The following NADK2 variants were observed in gnomAD, a reference collection of about 807,000 sequenced individuals.
NADK2 encodes the protein NAD kinase 2, mitochondrial.
A neutral mutation model predicts 62.1 loss-of-function variants in NADK2; 35 were observed. The observed-to-expected ratio is 0.56, with a 90% CI of 0.43 to 0.75. The LOEUF is 0.75. Among genes scored for constraint, NADK2 ranks in the 30% least tolerant of loss-of-function variants. The pLI is 0.00. For synonymous variants in NADK2, 205 were observed against 207.9 expected (o/e 0.99, Z 0.12); for missense variants, 439 against 561.3 (o/e 0.78, Z 2.20).
At chr5:36,213,749 G>A (rs1746942099) in intron 6 of NADK2, among the ~76,000 whole-genome samples, 1 of 151,284 alleles carries the variant, frequency 6.6e-6, no homozygotes, top group South Asian at 2.1e-4. Context: ...AACATAAATG[G>A]CTAAAATTTA....
Position 36,241,517 on chromosome 5 carries a change from C to T in NADK2, c.282G>A (p.Glu94=), listed in dbSNP as rs759979195. 1 of 1,563,834 alleles carries T rather than the reference C, an allele frequency of 6.4e-7. No homozygotes were observed. ...QQRYRYAELS[E]EDLKQLLALK... is the part of the protein sequence containing the mutation. ...GACCCACCAGCTGCTTCAGGTCCTC[C>T]TCCGAGAGCTCCGCGTAACGGTACC... is the stretch of plus-strand genomic sequence containing the variant. The change falls in exon 1 of 12, where the codon GAG becomes GAA. Residue 94 remains glutamate, a synonymous_variant. Transcript: ENST00000381937. This position sits in a 1 kb window ranked among gnomAD's most constrained non-coding sequence, Gnocchi z 4.9.
At chr5:36,228,398 C>T (rs1416549885) in intron 1 of NADK2, among the ~76,000 whole-genome samples, 1 of 152,026 alleles carries the variant, frequency 6.6e-6, no homozygotes, top group Non-Finnish European at 1.5e-5. Context: ...TTTGCTCCTC[C>T]GAATTCCTTT....
chr5:36,207,269 T>G lies in NADK2; in HGVS notation c.861-4A>C. 1 of 1,606,378 alleles carries G rather than the reference T, an allele frequency of 6.2e-7. No individual in the cohort carries two copies. Among genetic ancestry groups the G allele is most frequent in the Non-Finnish European group, 8.5e-7 (1 of 1,173,888 alleles). On this transcript the variant is annotated splice_polypyrimidine_tract_variant and splice_region_variant and intron_variant, in intron 7 of 11. Transcript: ENST00000381937. ...TGAAATCTCATAGTAGGAAGCCCTG[T>G]GAATTGAGAATATAAAACTGTTTGC...
chr5:36,203,000 C>A (rs1053086508), intron 8 of NADK2, among the ~76,000 whole-genome samples: 1 of 151,804 alleles, frequency 6.6e-6, no homozygotes, highest in Admixed American at 6.6e-5. Context: ...GAATTCCATA[C>A]AAGAAAAAAA....
At chr5:36,231,820 G>C (rs1747719821) in intron 1 of NADK2, among the ~76,000 whole-genome samples, 1 of 152,134 alleles carries the variant, frequency 6.6e-6, no homozygotes, top group African/African-American at 2.4e-5. Flanking sequence ...TAAAAGGTTA[G>C]AGAAATTACT....
chr5:36,216,520 G>T (rs1371545416), intron 6 of NADK2, among the ~76,000 whole-genome samples: 1 of 151,840 alleles, frequency 6.6e-6, no homozygotes, highest in Non-Finnish European at 1.5e-5. Context: ...AATTTCCCCT[G>T]CCTGTTTTGA....
chr5:36,231,932 AAAATAAAT>A (rs57966966), intron 1 of NADK2, among the ~76,000 whole-genome samples: 1 of 151,820 alleles, frequency 6.6e-6, no homozygotes, highest in Non-Finnish European at 1.5e-5. Context: ...TCTCTCCATT[AAAATAAAT>A]AAATAAATAA....
chr5:36,232,174 G>A (rs1561075276), intron 1 of NADK2, among the ~76,000 whole-genome samples: 1 of 152,174 alleles, frequency 6.6e-6, no homozygotes, highest in Non-Finnish European at 1.5e-5. Context: ...AGATGTGATA[G>A]TTATGCTATT....
Position 36,241,337 on chromosome 5 carries a change from G to A in NADK2, c.300+162C>T, listed in dbSNP as rs1748109784. On this transcript the variant is annotated intron_variant, in intron 1 of 11. Coordinates refer to ENST00000381937, the MANE Select transcript of NADK2 (RefSeq NM_001085411.3). The surrounding 1 kb of genome is among the most constrained non-coding windows in gnomAD (Gnocchi z 4.9). ...GCACACACGCCCAAAGGCAAAGGAG[G>A]CCCAGGGAGAAGCCAGAGGACCTGG... The A allele has an allele frequency of 1.6e-6, 2 of 1,287,472 alleles. No individual in the cohort carries two copies. The highest frequency in any genetic ancestry group is 1.8e-5 in the South Asian group (1 of 56,978). The allele number at this position is 1,287,472 out of a possible 1,614,324, so 79.8% of individuals were successfully genotyped here. A position where few individuals can be genotyped will look rare whatever the true frequency, so the allele number is the denominator to read the frequency against.
At chr5:36,235,391 T>C (rs1428558478) in intron 1 of NADK2, among the ~76,000 whole-genome samples, 1 of 152,220 alleles carries the variant, frequency 6.6e-6, no homozygotes, top group Non-Finnish European at 1.5e-5. Context: ...AATTAGATTA[T>C]GCAGCTTTAA....
chr5:36,218,444 T>C (rs1489219508), intron 5 of NADK2, among the ~76,000 whole-genome samples: 2 of 152,318 alleles, frequency 1.3e-5, no homozygotes, highest in Admixed American at 6.5e-5. Flanking sequence ...TGATAATCAA[T>C]GTATCGAAAG....
intron 6 of NADK2, among the ~76,000 whole-genome samples, chr5:36,213,636 T>TATATA: frequency 6.8e-6 from 1 of 146,930 alleles, no homozygotes. Flanking sequence ...TATATATGGA[T>TATATA]TTGATATGTT....
rs5867308 is a variant in NADK2, at chr5:36,236,867, C to CAAAA, written c.300+4628_300+4631dup. Among the ~76,000 whole-genome samples the CAAAA allele has an allele frequency of 5.1e-4, 49 of 95,620 alleles. 2 individuals are homozygous for CAAAA. The highest frequency in any genetic ancestry group is 1.6e-3 in the African/African-American group (39 of 24,626). The allele number at this position is 95,620 out of a possible 152,430, so 62.7% of individuals were successfully genotyped here. ...AGAGAGTAATGTCTGAGCTTAACCT[C>CAAAA]AAAAAAAAAAAAAAAAAAAACAGGA... On this transcript the variant is annotated intron_variant, in intron 1 of 11. Coordinates refer to ENST00000381937, the MANE Select transcript of NADK2 (RefSeq NM_001085411.3).
Position 36,241,072 on chromosome 5 carries a change from G to A in NADK2, c.300+427C>T, listed in dbSNP as rs1748094129. Reference sequence around the variant, plus strand: ...CGCCCTGGGCCCCCTTTCTCGCGGCGGCCAGGGGAGCTGTTCGCAGGGCGT... The same window carrying A: ...CGCCCTGGGCCCCCTTTCTCGCGGCAGCCAGGGGAGCTGTTCGCAGGGCGT... On this transcript the variant is annotated intron_variant, in intron 1 of 11. Coordinates refer to ENST00000381937, the MANE Select transcript of NADK2 (RefSeq NM_001085411.3). The surrounding 1 kb of genome is among the most constrained non-coding windows in gnomAD (Gnocchi z 4.9). Among the ~76,000 whole-genome samples the A allele has an allele frequency of 6.6e-6, 1 of 152,020 alleles. No homozygotes were observed. The highest frequency in any genetic ancestry group is 1.5e-5 in the Non-Finnish European group (1 of 67,996).
chr5:36,196,259 A>T (rs2112048456), intron 11 of NADK2, among the ~76,000 whole-genome samples: 1 of 152,296 alleles, frequency 6.6e-6, no homozygotes, highest in South Asian at 2.1e-4. Context: ...TCCTAACAGA[A>T]ATTTAGGAAT....
chr5:36,208,484 TAC>T (rs1746721103), intron 7 of NADK2: 1 of 614,982 alleles, frequency 1.6e-6, no homozygotes, highest in Non-Finnish European at 2.8e-6. Flanking sequence ...GAAAGACAAG[TAC>T]AGTCAGGTGA....
At chr5:36,231,382 T>A (rs969805058) in intron 1 of NADK2, among the ~76,000 whole-genome samples, 4 of 152,242 alleles carry the variant, frequency 2.6e-5, no homozygotes, top group Non-Finnish European at 4.4e-5. Flanking sequence ...AAATGTCAGT[T>A]CATAAATTCT....
rs1405639554 is a variant in NADK2 at position 36,207,159 on chromosome 5, A to G, written c.956+11T>C. 9 of 1,605,732 alleles carry G rather than the reference A, an allele frequency of 5.6e-6. No homozygotes were observed. The highest frequency in any genetic ancestry group is 7.7e-6 in the Non-Finnish European group (9 of 1,173,298). On this transcript the variant is annotated intron_variant, in intron 8 of 11. Transcript: ENST00000381937. ...CACAAAACTTGATAAGCAACATCCC[A>G]AGTTACTCACCAGGCCTTTGATCCT...
At position 36,194,988 on chromosome 5, in the gene NADK2, A is replaced by T. The variant is rs539410119; in HGVS notation, c.*156T>A. ...TTATACAGTGAATGTCTTTTTTTCT[A>T]TCAGAATCCAACAGAAGAATAATGC... On this transcript the variant is annotated 3_prime_UTR_variant, in exon 12 of 12. Coordinates refer to ENST00000381937, the MANE Select transcript of NADK2 (RefSeq NM_001085411.3). 5.1e-5 allele frequency: 36 copies of T among 699,238 alleles called. No individual in the cohort carries two copies. The African/African-American group carries it at 6.1e-4, about 12-fold the overall frequency. 43.3% of individuals were successfully genotyped at this position (699,238 alleles called of 1,614,324 possible).
Sources: gnomAD v4.1 joint callset for allele counts (sites outside exome capture counted in the v4.1 genomes callset) on GRCh38, gnomAD v4.1.1 for gene constraint, Gnocchi (gnomAD v3.1) non-coding constraint, MANE v1.5 for transcripts, NCBI Gene and HGNC (gene_info 2026-07-23, HGNC 2026-07-21) for gene names.